Variants in GALNT13 observed in about 807,000 individuals in gnomAD.
GALNT13 encodes the protein polypeptide N-acetylgalactosaminyltransferase 13.
A neutral mutation model predicts 64.2 loss-of-function variants in GALNT13; 28 were observed. The observed-to-expected ratio is 0.44, with a 90% CI of 0.32 to 0.60. The LOEUF (loss-of-function observed/expected upper bound fraction) is 0.60, where lower values mean the gene tolerates loss of function less well. Ranked by LOEUF, GALNT13 falls within the 20% of genes least tolerant of loss-of-function variation. The pLI, the probability that GALNT13 is intolerant of heterozygous loss-of-function variation, is 0.05. For synonymous variants in GALNT13, 214 were observed against 224.6 expected (o/e 0.95, Z 0.42); for missense variants, 577 against 669.8 (o/e 0.86, Z 1.53).
the GALNT13 span, among the ~76,000 whole-genome samples, chr2:153,205,272 G>A: frequency 6.7e-6 from 1 of 149,392 alleles, no homozygotes; most frequent in Admixed American, 6.7e-5. Context: ...TTGGCAGTCT[G>A]CTTTTCACTG....
intron 9 of GALNT13, among the ~76,000 whole-genome samples, chr2:154,358,136 A>G (rs777835622): frequency 2.6e-5 from 4 of 152,088 alleles, no homozygotes; most frequent in Middle Eastern, 3.2e-3. Context: ...TACACAAATT[A>G]CATGTGCTAC....
chr2:153,173,521 G>T, the GALNT13 span, among the ~76,000 whole-genome samples: 3 of 152,062 alleles, frequency 2.0e-5, no homozygotes, highest in Admixed American at 6.6e-5. Flanking sequence ...TCCTCTGTGT[G>T]TATCTGTCTT....
the GALNT13 span, among the ~76,000 whole-genome samples, chr2:153,815,248 T>G: frequency 6.6e-6 from 1 of 152,218 alleles, no homozygotes; most frequent in African/African-American, 2.4e-5. Flanking sequence ...ACTATAAATC[T>G]ATTGCCACTG....
chr2:154,456,174 T>C (rs536129170), downstream of GALNT13, among the ~76,000 whole-genome samples: 1 of 112,558 alleles, frequency 8.9e-6, no homozygotes, highest in African/African-American at 3.4e-5. Flanking sequence ...ATTTCAGCTT[T>C]TTTTGTTTTG....
intron 9 of GALNT13, among the ~76,000 whole-genome samples, chr2:154,350,307 C>T (rs1399575313): frequency 1.3e-5 from 2 of 152,282 alleles, no homozygotes; most frequent in East Asian, 1.9e-4. Flanking sequence ...AAATCAGCTG[C>T]CAGCACAGCT....
At chr2:154,007,451 C>A (rs757263818) in intron 3 of GALNT13, among the ~76,000 whole-genome samples, 1 of 151,818 alleles carries the variant, frequency 6.6e-6, no homozygotes, top group African/African-American at 2.4e-5. Context: ...TGAAAGGTTG[C>A]GATTATTCTG....
At chr2:153,669,626 TG>T in the GALNT13 span, among the ~76,000 whole-genome samples, 6 of 152,034 alleles carry the variant, frequency 3.9e-5, no homozygotes, top group African/African-American at 9.7e-5. Flanking sequence ...AAAAGACAGG[TG>T]ATTTCTGCAT....
chr2:153,291,054 G>A, the GALNT13 span, among the ~76,000 whole-genome samples: 1 of 152,038 alleles, frequency 6.6e-6, no homozygotes, highest in Non-Finnish European at 1.5e-5. Flanking sequence ...AAGAAAATTT[G>A]TGTTTTCTCA....
the GALNT13 span, among the ~76,000 whole-genome samples, chr2:153,395,665 T>A: frequency 6.6e-6 from 1 of 152,164 alleles, no homozygotes; most frequent in Non-Finnish European, 1.5e-5. Context: ...ACAAGTAGGC[T>A]TGAATCTTCA....
intron 8 of GALNT13, among the ~76,000 whole-genome samples, chr2:154,290,467 G>A (rs1290784213): frequency 6.6e-6 from 1 of 152,236 alleles, no homozygotes; most frequent in African/African-American, 2.4e-5. Context: ...GCAAGCCAGA[G>A]AAGAATGTAC....
chr2:153,197,611 G>C, the GALNT13 span, among the ~76,000 whole-genome samples: 1 of 152,236 alleles, frequency 6.6e-6, no homozygotes, highest in Non-Finnish European at 1.5e-5. Flanking sequence ...ACTGTCATAA[G>C]CACAGTGGAC....
intron 3 of GALNT13, among the ~76,000 whole-genome samples, chr2:153,945,726 G>T (rs1414516699): frequency 6.6e-6 from 1 of 151,996 alleles, no homozygotes; most frequent in South Asian, 2.1e-4. Context: ...TTTAATTTTT[G>T]TTCAAAGAGT....
intron 9 of GALNT13, among the ~76,000 whole-genome samples, chr2:154,373,808 G>T (rs1295902180): frequency 6.6e-6 from 1 of 152,180 alleles, no homozygotes; most frequent in Non-Finnish European, 1.5e-5. Flanking sequence ...TGTGGCAGGA[G>T]TACTGTTTTA....
Position 154,442,974 on chromosome 2 carries a change from A to G in GALNT13, c.1530+4248A>G, listed in dbSNP as rs529869570. On this transcript the variant is annotated intron_variant, in intron 12 of 12. Transcript: ENST00000392825. ...GTCACAATATAAGGAATTTTTTTCCATAGGTGAAATGTGTTAGATTAATAT... is the reference window on the plus strand; with the variant it reads ...GTCACAATATAAGGAATTTTTTTCCGTAGGTGAAATGTGTTAGATTAATAT... 2.2e-3 allele frequency among the ~76,000 whole-genome samples: 339 copies of G among 152,210 alleles called. 7 individuals carry two copies. Among genetic ancestry groups the G allele is most frequent in the Non-Finnish European group, 5.1e-4 (35 of 67,982 alleles).
chr2:153,374,264 T>C, the GALNT13 span, among the ~76,000 whole-genome samples: 1 of 152,188 alleles, frequency 6.6e-6, no homozygotes, highest in African/African-American at 2.4e-5. Context: ...TTGTTACCTG[T>C]TAGCCATCCA....
At chr2:153,935,924 T>G (rs1690878824) in intron 2 of GALNT13, among the ~76,000 whole-genome samples, 1 of 152,218 alleles carries the variant, frequency 6.6e-6, no homozygotes, top group African/African-American at 2.4e-5. Context: ...AGTATAACTT[T>G]GCTTTACTTC....
the GALNT13 span, among the ~76,000 whole-genome samples, chr2:153,836,297 C>T: frequency 2.6e-5 from 4 of 151,694 alleles, no homozygotes; most frequent in Admixed American, 1.3e-4. Context: ...AGCTTATTAT[C>T]ACATCTATCA....
intron 7 of GALNT13, among the ~76,000 whole-genome samples, chr2:154,258,204 A>T (rs1690483782): frequency 6.6e-6 from 1 of 152,168 alleles, no homozygotes; most frequent in African/African-American, 2.4e-5. Flanking sequence ...TAGCTCACTC[A>T]TTAACCATTG....
At chr2:153,543,335 G>A in the GALNT13 span, among the ~76,000 whole-genome samples, 3 of 152,204 alleles carry the variant, frequency 2.0e-5, no homozygotes, top group African/African-American at 7.2e-5. Flanking sequence ...TTACTGTTGA[G>A]TGCATGCCCT....
Sources: gnomAD v4.1 joint callset for allele counts (sites outside exome capture counted in the v4.1 genomes callset) on GRCh38, gnomAD v4.1.1 for gene constraint, MANE v1.5 for transcripts, NCBI Gene and HGNC (gene_info 2026-07-23, HGNC 2026-07-21) for gene names.